WASF2: variants seen among roughly 807,000 people sequenced by gnomAD.
WASF2 encodes the protein actin-binding protein WASF2.
In WASF2, 14 loss-of-function variants were observed where a neutral mutation model predicts 45.0. The ratio of observed to expected loss-of-function variants is 0.31; its 90% CI spans 0.21 to 0.49. The LOEUF (loss-of-function observed/expected upper bound fraction) is 0.49, where lower values mean the gene tolerates loss of function less well. Ranked by LOEUF, WASF2 falls within the 20% of genes least tolerant of loss-of-function variation. The probability of loss-of-function intolerance (pLI) is 0.99; values close to 1 mark genes in which losing one functional copy is unlikely to be tolerated. For missense variants in WASF2, 439 were observed against 636.1 expected, an observed-to-expected ratio of 0.69 and a Z score of 3.33; for synonymous variants, 200 against 236.3, an observed-to-expected ratio of 0.85 and a Z score of 1.41.
intron 1 of WASF2, among the ~76,000 whole-genome samples, chr1:27,431,302 A>G (rs888276469): frequency 3.3e-4 from 50 of 152,048 alleles, no homozygotes; most frequent in African/African-American, 1.2e-3. Flanking sequence ...GGACTTTCCA[A>G]TTTAACTCTT....
chr1:27,433,879 G>C (rs1333476016), intron 1 of WASF2, among the ~76,000 whole-genome samples: 1 of 152,204 alleles, frequency 6.6e-6, no homozygotes, highest in African/African-American at 2.4e-5. Context: ...CCAGTGAAGT[G>C]GTGGTTCTTG....
chr1:27,424,149 C>T (rs2016945416), intron 2 of WASF2, among the ~76,000 whole-genome samples: 1 of 152,194 alleles, frequency 6.6e-6, no homozygotes, highest in Admixed American at 6.5e-5. Context: ...ATTCCATAAT[C>T]AGACTTTCAC....
rs562529799 is a variant in WASF2 at position 27,464,566 on chromosome 1, C to A, written c.-44+25420G>T. ...CAAAGAGGTCAAATGACACTTTGGG[C>A]CACAGAGTCAATAGGCCACACAGTC... On this transcript the variant is annotated intron_variant, in intron 1 of 8. Coordinates refer to ENST00000618852, the MANE Select transcript of WASF2 (RefSeq NM_006990.5). Among the ~76,000 whole-genome samples, 231 of 152,140 alleles carry A rather than the reference C, an allele frequency of 1.5e-3. 2 individuals are homozygous for A. The highest frequency in any genetic ancestry group is 5.5e-3 in the African/African-American group (227 of 41,496).
intron 6 of WASF2, 119 bp from the exon 7 acceptor site, chr1:27,412,846 G>A: frequency 8.9e-7 from 1 of 1,124,600 alleles, no homozygotes; most frequent in East Asian, 2.5e-5. Flanking sequence ...AGTAAAATAG[G>A]TATATTTCCC....
chr1:27,446,062 TAA>T (rs1322313639), intron 1 of WASF2, among the ~76,000 whole-genome samples: 2 of 152,154 alleles, frequency 1.3e-5, no homozygotes, highest in African/African-American at 2.4e-5. Context: ...ACTGAAAAGA[TAA>T]GTCTTTTTTA....
At position 27,414,097 on chromosome 1, in the gene WASF2, GTATT is replaced by G; in HGVS notation, c.668+732_668+735del. ...GGTTCTCTGACAGCCATGATGCAGT[GTATT>G]TAGAGAAAAAACCAGGGCGACATTC... is the stretch of plus-strand genomic sequence containing the variant. On this transcript the variant is annotated intron_variant, in intron 6 of 8. Coordinates refer to ENST00000618852, the MANE Select transcript of WASF2 (RefSeq NM_006990.5). The surrounding 1 kb of genome is among the most constrained non-coding windows in gnomAD (Gnocchi z 4.1). Among the ~76,000 whole-genome samples the G allele has an allele frequency of 6.6e-6, 1 of 152,288 alleles. No individual in the cohort carries two copies. The highest frequency in any genetic ancestry group is 1.9e-4 in the East Asian group (1 of 5,190).
At chr1:27,472,798 CAAAA>C (rs200312302) in intron 1 of WASF2, among the ~76,000 whole-genome samples, 5 of 125,560 alleles carry the variant, frequency 4.0e-5, no homozygotes, top group Admixed American at 8.4e-5. Flanking sequence ...CCATCTTTAC[CAAAA>C]AAAAAAAAAA....
intron 1 of WASF2, among the ~76,000 whole-genome samples, chr1:27,433,875 A>C (rs1397099528): frequency 6.6e-6 from 1 of 152,214 alleles, no homozygotes; most frequent in Non-Finnish European, 1.5e-5. Flanking sequence ...AAAACCAGTG[A>C]AGTGGTGGTT....
chr1:27,429,065 C>A, intron 1 of WASF2, 132 bp from the exon 2 acceptor site: 1 of 804,560 alleles, frequency 1.2e-6, no homozygotes. Context: ...TCTTCATTCT[C>A]CCTATCTTTT....
At chr1:27,429,455 T>G (rs2017031792) in intron 1 of WASF2, among the ~76,000 whole-genome samples, 1 of 152,358 alleles carries the variant, frequency 6.6e-6, no homozygotes, top group South Asian at 2.1e-4. Flanking sequence ...TTTCCAGTCC[T>G]TCCTTGGTAA....
At position 27,414,948 on chromosome 1, in the gene WASF2, T is replaced by C. The variant is rs763255598; in HGVS notation, c.553A>G (p.Asn185Asp). The C allele has an allele frequency of 6.2e-7, 1 of 1,614,182 alleles. No homozygotes were observed. Among genetic ancestry groups the C allele is most frequent in the Non-Finnish European group, 8.5e-7 (1 of 1,180,014 alleles). ...KRKHRKEKKD[N>D]PNRGNVNPRK... ...GGGTTTACATTCCCTCGATTTGGAT[T>C]ATCTTTCTTTTCTTTCTATAATGAA... Residue 185 changes from asparagine (N) to aspartate (D), a missense_variant, in exon 6 of 9, where the codon AAT becomes GAT. Physicochemically the swap from Asn to Asp is conservative, Grantham distance 23 (BLOSUM62 1). Around this residue, in one of 5 missense-constraint regions of WASF2, gnomAD observed 23 missense variants for 69.7 expected, o/e 0.33. Transcript: ENST00000618852. This position sits in a 1 kb window ranked among gnomAD's most constrained non-coding sequence, Gnocchi z 4.1.
intron 2 of WASF2, among the ~76,000 whole-genome samples, chr1:27,419,879 G>T (rs1054204621): frequency 2.0e-5 from 3 of 151,926 alleles, no homozygotes; most frequent in South Asian, 2.1e-4. Context: ...AGGTGGGAAG[G>T]TTCCTTTATG....
rs544750104 is a variant in WASF2 at position 27,410,281 on chromosome 1, C to T, written c.825-75G>A. 1.3e-6 allele frequency: 2 copies of T among 1,575,604 alleles called. No individual in the cohort carries two copies. Among genetic ancestry groups the T allele is most frequent in the South Asian group, 2.3e-5 (2 of 87,026 alleles). On this transcript the variant is annotated intron_variant, in intron 7 of 8. Coordinates refer to ENST00000618852, the MANE Select transcript of WASF2 (RefSeq NM_006990.5). The surrounding 1 kb of genome is among the most constrained non-coding windows in gnomAD (Gnocchi z 4.2). ...ACCTATCTACAGTTAGCCTTGTCTA[C>T]AGACCGAGGTTTATCTTGGTTGACT...
At chr1:27,449,867 G>A (rs1313851967) in intron 1 of WASF2, among the ~76,000 whole-genome samples, 4 of 152,104 alleles carry the variant, frequency 2.6e-5, no homozygotes, top group Non-Finnish European at 5.9e-5. Flanking sequence ...TTATTGGCTG[G>A]GCATGGTGGC....
chr1:27,415,820 T>G (rs1006294931), intron 5 of WASF2, among the ~76,000 whole-genome samples, 165 bp downstream of exon 5: 2 of 152,368 alleles, frequency 1.3e-5, no homozygotes, highest in Middle Eastern at 3.4e-3. Context: ...ATTTATACTT[T>G]CATCTTGGTT....
chr1:27,467,258 A>AG (rs2017626524), intron 1 of WASF2, among the ~76,000 whole-genome samples: 1 of 150,114 alleles, frequency 6.7e-6, no homozygotes, highest in Non-Finnish European at 1.5e-5. Flanking sequence ...ACACACACAA[A>AG]GAAAAAAATA....
At chr1:27,462,422 T>C (rs900404588) in intron 1 of WASF2, among the ~76,000 whole-genome samples, 17 of 152,200 alleles carry the variant, frequency 1.1e-4, no homozygotes, top group Admixed American at 1.1e-3. Context: ...TATTATCTAA[T>C]GTAAAGTTCG....
At chr1:27,418,234 T>C (rs750308983) in intron 4 of WASF2, 35 bp downstream of exon 4, 14 of 1,595,514 alleles carry the variant, frequency 8.8e-6, no homozygotes, top group Admixed American at 1.8e-5. Context: ...TATTAAACCA[T>C]AGGTTGAAAA....
Position 27,479,330 on chromosome 1 carries a change from A to C in WASF2, c.-44+10656T>G, listed in dbSNP as rs540271870. ...GCTAGGCTTGGTGGCTTACACCTGT[A>C]ATCTTGGCAGCACCTTCGAGGCTAA... On this transcript the variant is annotated intron_variant, in intron 1 of 8. Coordinates refer to ENST00000618852, the MANE Select transcript of WASF2 (RefSeq NM_006990.5). Among the ~76,000 whole-genome samples the C allele has an allele frequency of 1.8e-3, 276 of 152,128 alleles. 1 individual carries two copies. Among genetic ancestry groups the C allele is most frequent in the African/African-American group, 6.1e-3 (254 of 41,496 alleles).
Sources: gnomAD v4.1 joint callset for allele counts (sites outside exome capture counted in the v4.1 genomes callset) on GRCh38, gnomAD v4.1.1 for gene constraint, gnomAD v4.1.1 regional missense constraint, Gnocchi (gnomAD v3.1) non-coding constraint, MANE v1.5 for transcripts, NCBI Gene and HGNC (gene_info 2026-07-23, HGNC 2026-07-21) for gene names.